Variants in PCDHA13 observed in about 807,000 individuals in gnomAD.
PCDHA13 encodes protocadherin alpha 13, also known as protocadherin alpha-13.
A neutral mutation model predicts 64.8 loss-of-function variants in PCDHA13; 54 were observed. The ratio of observed to expected loss-of-function variants is 0.83; its 90% CI spans 0.67 to 1.04. The LOEUF is 1.04. Among genes scored for constraint, PCDHA13 ranks in the 50% least tolerant of loss-of-function variants. PCDHA13 has a pLI of 0.00. For synonymous variants in PCDHA13, 587 were observed against 564.4 expected, an observed-to-expected ratio of 1.04 and a Z score of -0.57; for missense variants, 1,248 against 1,254.3, an observed-to-expected ratio of 0.99 and a Z score of 0.08.
chr5:140,970,293 T>C (rs2096396195), intron 1 of PCDHA13, among the ~76,000 whole-genome samples: 3 of 152,220 alleles, frequency 2.0e-5, no homozygotes, highest in Admixed American at 2.0e-4. Context: ...TTTCAAGTCC[T>C]TCATGTCTTT....
At chr5:140,941,950 A>C (rs2093203816) in intron 1 of PCDHA13, among the ~76,000 whole-genome samples, 1 of 152,172 alleles carries the variant, frequency 6.6e-6, no homozygotes, top group Admixed American at 6.5e-5. Context: ...TTTGTTTTGA[A>C]AACAATAGTA....
chr5:140,899,384 A>G (rs2067296665), intron 1 of PCDHA13, among the ~76,000 whole-genome samples: 2 of 152,124 alleles, frequency 1.3e-5, no homozygotes, highest in Admixed American at 1.3e-4. Context: ...TAATTTATTG[A>G]GAGTTTTTAG....
At chr5:140,952,301 T>C (rs246036) in intron 1 of PCDHA13, among the ~76,000 whole-genome samples, 3 of 149,380 alleles carry the variant, frequency 2.0e-5, no homozygotes. Flanking sequence ...CACAGCCATT[T>C]CACTCCAGCC....
At chr5:140,959,859 T>A (rs2095514385) in intron 1 of PCDHA13, among the ~76,000 whole-genome samples, 1 of 152,192 alleles carries the variant, frequency 6.6e-6, no homozygotes, top group South Asian at 2.1e-4. Context: ...AGGAATTATG[T>A]AGCAAAATCT....
intron 1 of PCDHA13, among the ~76,000 whole-genome samples, chr5:140,946,631 T>TATATATATACAC (rs57893927): frequency 0.012 from 1,602 of 131,782 alleles, 27 homozygotes; most frequent in South Asian, 0.028. Flanking sequence ...TATATATATA[T>TATATATATACAC]ACAATGGAAT....
intron 1 of PCDHA13, among the ~76,000 whole-genome samples, chr5:140,969,673 G>A (rs1226601717): frequency 3.3e-5 from 5 of 152,170 alleles, no homozygotes; most frequent in African/African-American, 9.7e-5. Flanking sequence ...AATGTTATGA[G>A]ACTCAAGGAG....
At chr5:140,915,069 C>T (rs2076962975) in intron 1 of PCDHA13, among the ~76,000 whole-genome samples, 2 of 151,484 alleles carry the variant, frequency 1.3e-5, no homozygotes, top group Admixed American at 6.6e-5. Flanking sequence ...CCTTAGCCTA[C>T]TGAGTAGCTG....
chr5:140,963,233 G>C (rs151988), intron 1 of PCDHA13, among the ~76,000 whole-genome samples: 50,230 of 151,972 alleles, frequency 0.33, 8,535 homozygotes, highest in East Asian at 0.53. Context: ...GACACTGTTT[G>C]ATGGATTAGG....
intron 1 of PCDHA13, among the ~76,000 whole-genome samples, chr5:140,974,689 T>A (rs2153804618): frequency 1.3e-5 from 2 of 152,208 alleles, no homozygotes; most frequent in South Asian, 4.1e-4. Flanking sequence ...TTTTGTATTT[T>A]TGGGTTTCAC....
intron 1 of PCDHA13, among the ~76,000 whole-genome samples, chr5:140,974,321 T>C (rs2096622495): frequency 6.6e-6 from 1 of 152,226 alleles, no homozygotes; most frequent in Non-Finnish European, 1.5e-5. Context: ...AGAGAGTAGC[T>C]GCTGTGCTAG....
intron 1 of PCDHA13, among the ~76,000 whole-genome samples, chr5:140,919,331 A>G (rs2079089725): frequency 6.6e-6 from 1 of 152,026 alleles, no homozygotes; most frequent in Non-Finnish European, 1.5e-5. Context: ...TTTACTTTCA[A>G]TCTGTTTGTA....
At position 140,882,580 on chromosome 5, in the gene PCDHA13, C is replaced by G. The variant is rs371338305; in HGVS notation, c.312C>G (p.Ile104Met). Residue 104 changes from isoleucine to methionine, a missense_variant, in exon 1 of 4, where the codon ATC (isoleucine) becomes ATG (methionine). Coordinates refer to ENST00000289272, the MANE Select transcript of PCDHA13 (RefSeq NM_018904.3). Reference protein sequence around the residue: ...ELCGRSAECSIHLEVIVDRPL... With the variant: ...ELCGRSAECSMHLEVIVDRPL... ...GTGGGCGGAGCGCGGAGTGCAGCAT[C>G]CACCTGGAGGTGATCGTGGACAGGC... 1.9e-6 allele frequency: 3 copies of G among 1,614,244 alleles called. No individual in the cohort carries two copies. Among genetic ancestry groups the G allele is most frequent in the East Asian group, 4.5e-5 (2 of 44,886 alleles).
chr5:140,966,382 G>A, intron 1 of PCDHA13: 1 of 403,884 alleles, frequency 2.5e-6, no homozygotes, highest in Non-Finnish European at 4.3e-6. Context: ...GTCCGGGTTC[G>A]CTGTCCGCCA....
At position 140,967,486 on chromosome 5, in the gene PCDHA13, G is replaced by A. The variant is rs782309199; in HGVS notation, c.2395-11463G>A. The A allele has an allele frequency of 2.5e-6, 4 of 1,612,986 alleles. No individual in the cohort carries two copies. The African/African-American group carries it at 4.0e-5, about 16-fold the overall frequency. ...GGGGCATCCCAGCCCGCTCGGGTAC[G>A]GCACAGATCTCTGTGCGTGTCCTGG... On this transcript the variant is annotated intron_variant, in intron 1 of 3. Coordinates refer to ENST00000289272, the MANE Select transcript of PCDHA13 (RefSeq NM_018904.3).
chr5:140,927,897 T>A, intron 1 of PCDHA13: 1 of 1,614,204 alleles, frequency 6.2e-7, no homozygotes, highest in African/African-American at 1.3e-5. Flanking sequence ...ACGTGAACGA[T>A]CATGCCCCCG....
intron 1 of PCDHA13, chr5:140,929,034 C>T (rs561529051): frequency 2.5e-6 from 4 of 1,614,158 alleles, no homozygotes; most frequent in East Asian, 4.5e-5. Flanking sequence ...CAGGCTGTTG[C>T]GCTCAGAGCT....
At chr5:140,966,914 G>C in intron 1 of PCDHA13, 2 of 1,602,270 alleles carry the variant, frequency 1.2e-6, no homozygotes, top group Non-Finnish European at 1.7e-6. Flanking sequence ...CTCTGTGCCA[G>C]AGGAGCAGGC....
chr5:140,886,689 G>C (rs1267444522), intron 1 of PCDHA13, among the ~76,000 whole-genome samples: 5 of 152,022 alleles, frequency 3.3e-5, no homozygotes, highest in African/African-American at 1.2e-4. Flanking sequence ...AGCGAGGCAT[G>C]GTGGCACGCG....
chr5:140,951,252 A>AT (rs1488592252), intron 1 of PCDHA13, among the ~76,000 whole-genome samples: 16 of 151,738 alleles, frequency 1.1e-4, no homozygotes, highest in Admixed American at 1.1e-3. Context: ...AATGCATCAC[A>AT]TTTTTCTGGT....
Sources: gnomAD v4.1 joint callset for allele counts (sites outside exome capture counted in the v4.1 genomes callset) on GRCh38, gnomAD v4.1.1 for gene constraint, MANE v1.5 for transcripts, NCBI Gene and HGNC (gene_info 2026-07-23, HGNC 2026-07-21) for gene names.